AP1S3: variants seen among roughly 807,000 people sequenced by gnomAD.
The protein encoded by AP1S3 is AP-1 complex subunit sigma-3.
A neutral mutation model predicts 20.9 loss-of-function variants in AP1S3; 10 were observed. That is an observed-to-expected ratio of 0.48 (90% CI 0.29 to 0.81). The LOEUF (loss-of-function observed/expected upper bound fraction) is 0.81. AP1S3 is among the 30% of genes least tolerant of loss of function. The probability of loss-of-function intolerance (pLI) is 0.08; values close to 1 mark genes in which losing one functional copy is unlikely to be tolerated. For missense variants in AP1S3, 154 were observed against 183.8 expected (o/e 0.84, Z 0.94); for synonymous variants, 41 against 61.5 (o/e 0.67, Z 1.56).
At chr2:223,784,704 A>C (rs1691034705) in intron 1 of AP1S3, among the ~76,000 whole-genome samples, 1 of 152,226 alleles carries the variant, frequency 6.6e-6, no homozygotes, top group East Asian at 1.9e-4. Flanking sequence ...TTCTGCTTTT[A>C]AAATCTGTCT....
intron 3 of AP1S3, among the ~76,000 whole-genome samples, chr2:223,769,945 T>C (rs910182738): frequency 1.3e-5 from 2 of 151,764 alleles, no homozygotes; most frequent in Non-Finnish European, 2.9e-5. Context: ...GGGGTTTCAC[T>C]GTGTTAGCCA....
chr2:223,778,116 TTTTG>T (rs747914985), intron 1 of AP1S3, among the ~76,000 whole-genome samples: 402 of 151,422 alleles, frequency 2.7e-3, no homozygotes, highest in East Asian at 8.4e-3. Context: ...TTTTTGTTTT[TTTTG>T]TTTGTTTGTT....
At chr2:223,812,356 G>A (rs1318709972) in intron 1 of AP1S3, among the ~76,000 whole-genome samples, 1 of 152,152 alleles carries the variant, frequency 6.6e-6, no homozygotes, top group East Asian at 1.9e-4. Flanking sequence ...CGAGTAGCTG[G>A]GATTATAGGC....
At chr2:223,791,685 C>T (rs1279185844) in intron 1 of AP1S3, among the ~76,000 whole-genome samples, 1 of 152,010 alleles carries the variant, frequency 6.6e-6, no homozygotes, top group Non-Finnish European at 1.5e-5. Context: ...CTGGCCAGGG[C>T]AATCAAGCAA....
Position 223,758,114 on chromosome 2 carries a change from C to T in AP1S3, c.*601G>A. 1.0e-6 allele frequency: 1 copy of T among 982,430 alleles called. No homozygotes were observed. Among genetic ancestry groups the T allele is most frequent in the Non-Finnish European group, 1.2e-6 (1 of 828,212 alleles). The allele number at this position is 982,430 out of a possible 1,614,324, so 60.9% of individuals were successfully genotyped here. The stretch of plus-strand genomic sequence containing the variant: ...TCAAAAACACTTATTAAGTTCTATA[C>T]TCTTTGGTTATTTTCATAATCCCAA... On this transcript the variant is annotated 3_prime_UTR_variant, in exon 5 of 5. Coordinates refer to ENST00000396654, the MANE Select transcript of AP1S3 (RefSeq NM_001039569.2).
chr2:223,767,480 T>G (rs951964310), intron 3 of AP1S3, among the ~76,000 whole-genome samples: 11 of 151,948 alleles, frequency 7.2e-5, no homozygotes, highest in African/African-American at 2.7e-4. Context: ...CTACTGCATG[T>G]TGCTTATATT....
At chr2:223,771,265 A>G (rs763904173) in intron 3 of AP1S3, among the ~76,000 whole-genome samples, 3 of 152,042 alleles carry the variant, frequency 2.0e-5, no homozygotes, top group Non-Finnish European at 4.4e-5. Context: ...TGAACCCAGG[A>G]AGCAGAGGTT....
chr2:223,780,357 AGTGTGTGTGTGT>A (rs57103665), intron 1 of AP1S3, among the ~76,000 whole-genome samples: 1 of 44,448 alleles, frequency 2.2e-5, no homozygotes, highest in African/African-American at 1.1e-4. Context: ...AGAGAGAGAG[AGTGTGTGTGTGT>A]GTGTGTGTGT....
Position 223,828,295 on chromosome 2 carries a change from CT to C in AP1S3, c.3+9152del, listed in dbSNP as rs775000674. On this transcript the variant is annotated intron_variant, in intron 1 of 4. Transcript: ENST00000396654. ...CCCCTCACCACATTCTCCTCTCTCT[CT>C]TTTTTTTTTTTTTTTTTTGAGACAG... Among the ~76,000 whole-genome samples the C allele has an allele frequency of 4.8e-3, 629 of 131,382 alleles. 14 individuals carry two copies. The highest frequency in any genetic ancestry group is 6.8e-3 in the African/African-American group (240 of 35,480). 86.2% of individuals were successfully genotyped at this position (131,382 alleles called of 152,430 possible). A position where few individuals can be genotyped will look rare whatever the true frequency, so the allele number is the denominator to read the frequency against.
intron 4 of AP1S3, among the ~76,000 whole-genome samples, chr2:223,760,576 C>A (rs1393364970): frequency 6.6e-6 from 1 of 152,244 alleles, no homozygotes; most frequent in African/African-American, 2.4e-5. Context: ...TCTACAGATG[C>A]TGCCCGTGGG....
At chr2:223,777,324 G>A (rs1037920721) in intron 2 of AP1S3, among the ~76,000 whole-genome samples, 1 of 152,144 alleles carries the variant, frequency 6.6e-6, no homozygotes, top group African/African-American at 2.4e-5. Context: ...GAACCCAGGA[G>A]GTGGAAGTTG....
rs371930074 is a variant in AP1S3 at position 223,778,529 on chromosome 2, C to CA, written c.4-661dup. Among the ~76,000 whole-genome samples, 783 of 148,410 alleles carry CA rather than the reference C, an allele frequency of 5.3e-3. 7 individuals carry two copies. Among genetic ancestry groups the CA allele is most frequent in the African/African-American group, 0.018 (742 of 40,450 alleles). ...AACATTAATTTCTTCCTTTACAAGACAAAAAAAAAGTGTTAAGAACAACAG... is the reference window on the plus strand; with the variant it reads ...AACATTAATTTCTTCCTTTACAAGACAAAAAAAAAAGTGTTAAGAACAACAG... On this transcript the variant is annotated intron_variant, in intron 1 of 4. Coordinates refer to ENST00000396654, the MANE Select transcript of AP1S3 (RefSeq NM_001039569.2).
At chr2:223,812,766 G>A (rs1204428925) in intron 1 of AP1S3, among the ~76,000 whole-genome samples, 1 of 152,128 alleles carries the variant, frequency 6.6e-6, no homozygotes, top group Admixed American at 6.6e-5. Context: ...GCCTTTGAGT[G>A]CCACATCTTC....
At chr2:223,793,809 T>C (rs1369258596) in intron 1 of AP1S3, among the ~76,000 whole-genome samples, 1 of 152,132 alleles carries the variant, frequency 6.6e-6, no homozygotes, top group East Asian at 1.9e-4. Context: ...TAATACGTTT[T>C]TTTTTTGTTT....
At chr2:223,823,358 T>C (rs998821795) in intron 1 of AP1S3, among the ~76,000 whole-genome samples, 1 of 152,206 alleles carries the variant, frequency 6.6e-6, no homozygotes, top group Non-Finnish European at 1.5e-5. Flanking sequence ...CGTCAGTGGA[T>C]GGTTACAGAA....
In AP1S3 at chr2:223,835,481, C is replaced by A. The variant is rs189832726; in HGVS notation, c.3+1967G>T. On this transcript the variant is annotated intron_variant, in intron 1 of 4. Coordinates refer to ENST00000396654, the MANE Select transcript of AP1S3 (RefSeq NM_001039569.2). ...ACCAGCCTGGCCAACATGGCAAAACCCCGTCTCTACTAAAAATACAAAAAT... is the reference window on the plus strand; with the variant it reads ...ACCAGCCTGGCCAACATGGCAAAACACCGTCTCTACTAAAAATACAAAAAT... Among the ~76,000 whole-genome samples, 3 of 152,168 alleles carry A rather than the reference C, an allele frequency of 2.0e-5. No homozygotes were observed. The East Asian group carries it at 5.8e-4, about 29-fold the overall frequency.
chr2:223,781,668 G>T (rs1421080823), intron 1 of AP1S3, among the ~76,000 whole-genome samples: 1 of 151,964 alleles, frequency 6.6e-6, no homozygotes, highest in Non-Finnish European at 1.5e-5. Context: ...TTGCTTCCAA[G>T]AAGAGATCAT....
intron 1 of AP1S3, among the ~76,000 whole-genome samples, chr2:223,797,564 C>G (rs1691369430): frequency 6.6e-6 from 1 of 152,066 alleles, no homozygotes; most frequent in South Asian, 2.1e-4. Flanking sequence ...GAGTTCGAGA[C>G]CAGCCTGGCC....
At chr2:223,793,731 C>A (rs1691268243) in intron 1 of AP1S3, among the ~76,000 whole-genome samples, 1 of 152,048 alleles carries the variant, frequency 6.6e-6, no homozygotes, top group African/African-American at 2.4e-5. Context: ...TCTATTAAAT[C>A]CCCAGAACCT....
Sources: allele counts gnomAD v4.1 joint callset (sites outside exome capture counted in the v4.1 genomes callset), GRCh38; gene constraint gnomAD v4.1.1; transcripts MANE v1.5; gene names NCBI Gene and HGNC (gene_info 2026-07-23, HGNC 2026-07-21).